Variants in PRRC2B observed in about 807,000 individuals in gnomAD.
PRRC2B encodes the protein proline rich coiled-coil 2B.
Under a neutral mutation model 242.3 loss-of-function variants are expected in PRRC2B, and 68 were observed. The ratio of observed to expected loss-of-function variants is 0.28; its 90% CI spans 0.23 to 0.34. The LOEUF is 0.34. PRRC2B is among the 10% of genes least tolerant of loss of function. The pLI is 1.00. For synonymous variants in PRRC2B, 1,228 were observed against 1,173.6 expected (o/e 1.05, Z -0.95); for missense variants, 2,835 against 2,954.8 (o/e 0.96, Z 0.94).
At position 131,459,169 on chromosome 9, in the gene PRRC2B, G is replaced by C. The variant is rs560256075; in HGVS notation, c.1217G>C (p.Ser406Thr). 3 of 1,613,828 alleles carry C rather than the reference G, an allele frequency of 1.9e-6. No homozygotes were observed. Among genetic ancestry groups the C allele is most frequent in the Non-Finnish European group, 2.5e-6 (3 of 1,179,784 alleles). Residue 406 changes from serine (S) to threonine (T), a missense_variant, in exon 11 of 32, where the codon AGT becomes ACT. Ser to Thr is a moderately conservative substitution (Grantham distance 58). Coordinates refer to ENST00000683519, the MANE Select transcript of PRRC2B (RefSeq NM_013318.4). Reference protein sequence around the residue: ...VVKDGRPKWNSWDPRRQRQLS... With the variant: ...VVKDGRPKWNTWDPRRQRQLS... ...TCAAATGTGGTTTGTCCTAGGAACAGTTGGGACCCTAGGAGGCAGCGGCAG... is the reference window on the plus strand; with the variant it reads ...TCAAATGTGGTTTGTCCTAGGAACACTTGGGACCCTAGGAGGCAGCGGCAG...
intron 1 of PRRC2B, among the ~76,000 whole-genome samples, chr9:131,399,354 C>T (rs1399347728): frequency 3.4e-5 from 5 of 148,596 alleles, no homozygotes; most frequent in Middle Eastern, 3.4e-3. Context: ...CTGAGGTGGG[C>T]GGATCACGAG....
rs1055341940 is a variant in PRRC2B, at chr9:131,386,992, C to CTCTT, written c.-56+13283_-56+13286dup. 1.5e-4 allele frequency among the ~76,000 whole-genome samples: 22 copies of CTCTT among 149,354 alleles called. 1 individual carries two copies. The highest frequency in any genetic ancestry group is 1.9e-4 in the African/African-American group (8 of 41,058). ...ATGTAGGCTGTGAAGTTAGGCCTGT[C>CTCTT]TCTTTCTTTCTTTCTTTCTTTCTTT... On this transcript the variant is annotated intron_variant, in intron 1 of 1. Transcript: ENST00000682525.
At position 131,487,785 on chromosome 9, in the gene PRRC2B, T is replaced by C; in HGVS notation, c.5985-71T>C. ...TGGTTTAGCAAGCTCTCCGGGGATCTCTGAAGGGTGGGACCAGATCCGCAG... is the reference window on the plus strand; with the variant it reads ...TGGTTTAGCAAGCTCTCCGGGGATCCCTGAAGGGTGGGACCAGATCCGCAG... On this transcript the variant is annotated intron_variant, in intron 27 of 31. Coordinates refer to ENST00000683519, the MANE Select transcript of PRRC2B (RefSeq NM_013318.4). The surrounding 1 kb of genome is among the most constrained non-coding windows in gnomAD (Gnocchi z 5.3). The C allele has an allele frequency of 6.5e-7, 1 of 1,547,888 alleles. No homozygotes were observed. Among genetic ancestry groups the C allele is most frequent in the East Asian group, 2.3e-5 (1 of 44,010 alleles).
At chr9:131,491,225 C>T in intron 28 of PRRC2B, 200 bp from the exon 29 acceptor site, 1 of 527,874 alleles carries the variant, frequency 1.9e-6, no homozygotes. Flanking sequence ...GAAGACGTGC[C>T]TCTGCCATCG....
Position 131,446,435 on chromosome 9 carries a change from C to T in PRRC2B, c.648C>T (p.His216=). The T allele has an allele frequency of 6.2e-7, 1 of 1,613,740 alleles. No individual in the cohort carries two copies. The highest frequency in any genetic ancestry group is 8.5e-7 in the Non-Finnish European group (1 of 1,179,858). ...GCTGGAGGGAGGGCGGTGGGCGACA[C>T]ATAATTTCTGCCACGTCTCTGAGCA... ...VTSWREGGGR[H]IISATSLSTS... is the part of the protein sequence containing the mutation. The change falls in exon 7 of 32, where the codon CAC becomes CAT. Residue 216 remains histidine, a synonymous_variant. Coordinates refer to ENST00000683519, the MANE Select transcript of PRRC2B (RefSeq NM_013318.4). The surrounding 1 kb of genome is among the most constrained non-coding windows in gnomAD (Gnocchi z 4.1).
In PRRC2B at chr9:131,486,142, T is replaced by C; in HGVS notation, c.5816T>C (p.Leu1939Pro). 1 of 1,612,994 alleles carries C rather than the reference T, an allele frequency of 6.2e-7. No homozygotes were observed. ...DGHVFASQPR[L>P]VPQTIPQQQS... is the part of the protein sequence containing the mutation. ...CATGTGTTTGCAAGTCAGCCCCGGC[T>C]GGTTCCTCAAACGATACCTCAGCAG... The change falls in exon 26 of 32, where the codon CTG (leucine) becomes CCG (proline). Residue 1939 changes from leucine (L) to proline (P), a missense_variant. This residue lies in a region of PRRC2B where 574 missense variants were observed against 626.0 expected (regional missense o/e 0.92). Transcript: ENST00000683519.
intron 9 of PRRC2B, among the ~76,000 whole-genome samples, chr9:131,450,091 CTG>C (rs1942862454): frequency 6.6e-6 from 1 of 152,148 alleles, no homozygotes; most frequent in Admixed American, 6.5e-5. Flanking sequence ...CAGTACCACA[CTG>C]TGGGTTTATA....
intron 11 of PRRC2B, among the ~76,000 whole-genome samples, chr9:131,459,841 T>G (rs1293532009): frequency 6.6e-6 from 1 of 151,976 alleles, no homozygotes; most frequent in Non-Finnish European, 1.5e-5. Context: ...ATTTGTCTTC[T>G]TGTTATAGTT....
chr9:131,401,515 A>G (rs1837226641), intron 1 of PRRC2B, among the ~76,000 whole-genome samples: 3 of 150,338 alleles, frequency 2.0e-5, no homozygotes, highest in Admixed American at 6.6e-5. Flanking sequence ...ACACCCAGCT[A>G]ATTTTTGTAT....
chr9:131,423,170 A>G (rs964918614), intron 1 of PRRC2B, among the ~76,000 whole-genome samples: 14 of 152,344 alleles, frequency 9.2e-5, no homozygotes, highest in Admixed American at 3.3e-4. Context: ...AGCCGTGGCC[A>G]TAAGCCAGGT....
intron 14 of PRRC2B, 38 bp downstream of exon 14, chr9:131,471,021 C>G (rs763394722): frequency 4.0e-6 from 6 of 1,489,754 alleles, no homozygotes; most frequent in African/African-American, 2.8e-5. Flanking sequence ...CCTGTATCAC[C>G]CAGGATAGCG....
chr9:131,421,588 C>T (rs12553750), intron 1 of PRRC2B, among the ~76,000 whole-genome samples: 2 of 152,150 alleles, frequency 1.3e-5, no homozygotes, highest in Non-Finnish European at 2.9e-5. Flanking sequence ...CCACCTTTCT[C>T]TCTCACTGCC....
intron 1 of PRRC2B, among the ~76,000 whole-genome samples, chr9:131,395,455 G>A (rs1837023316): frequency 6.6e-6 from 1 of 152,158 alleles, no homozygotes; most frequent in Non-Finnish European, 1.5e-5. Context: ...AGGCATTGGG[G>A]TGCAGATCCT....
rs112254145 is a variant in PRRC2B at position 131,424,093 on chromosome 9, G to A, written c.-51-6001G>A. On this transcript the variant is annotated intron_variant, in intron 1 of 31. Transcript: ENST00000683519. ...TGGGATTACAGGCGTGCATCACCAC[G>A]CCCAGCTAATTTTTTTAAATATAGT... is the stretch of plus-strand genomic sequence containing the variant. Among the ~76,000 whole-genome samples the A allele has an allele frequency of 7.1e-3, 1,087 of 152,186 alleles. 16 individuals carry two copies. The highest frequency in any genetic ancestry group is 0.023 in the African/African-American group (963 of 41,524).
At chr9:131,426,213 C>G (rs1054661375) in intron 1 of PRRC2B, among the ~76,000 whole-genome samples, 1 of 151,686 alleles carries the variant, frequency 6.6e-6, no homozygotes, top group East Asian at 1.9e-4. Context: ...TGGCACACAC[C>G]TGTAAGCCCA....
intron 11 of PRRC2B, among the ~76,000 whole-genome samples, chr9:131,463,733 G>T (rs1482122414): frequency 7.1e-6 from 1 of 141,370 alleles, no homozygotes. Flanking sequence ...AGTGATCCTT[G>T]CCACCTCAGC....
chr9:131,456,303 C>T (rs1340709423), intron 10 of PRRC2B, among the ~76,000 whole-genome samples: 1 of 150,028 alleles, frequency 6.7e-6, no homozygotes, highest in African/African-American at 2.5e-5. Context: ...TCTCATCCCT[C>T]TAGTTTTTAT....
At chr9:131,418,574 GTCT>G (rs899863009) in intron 1 of PRRC2B, among the ~76,000 whole-genome samples, 2 of 152,298 alleles carry the variant, frequency 1.3e-5, no homozygotes, top group Admixed American at 6.5e-5. Flanking sequence ...AGCCTGATTT[GTCT>G]TCTTCTTTTG....
chr9:131,378,170 G>A (rs752525443), intron 1 of PRRC2B, among the ~76,000 whole-genome samples: 32 of 151,972 alleles, frequency 2.1e-4, no homozygotes, highest in Admixed American at 3.9e-4. Flanking sequence ...TTAGCCAGGC[G>A]TGGTGGTACC....
Sources: allele counts gnomAD v4.1 joint callset (sites outside exome capture counted in the v4.1 genomes callset), GRCh38; gene constraint gnomAD v4.1.1; regional missense constraint gnomAD v4.1.1; non-coding constraint Gnocchi (gnomAD v3.1); transcripts MANE v1.5; gene names NCBI Gene and HGNC (gene_info 2026-07-23, HGNC 2026-07-21).